The following ASIP variants were observed in gnomAD, a reference collection of about 807,000 sequenced individuals.
The protein encoded by ASIP is agouti signaling protein, also known as agouti-signaling protein.
In ASIP, 11 loss-of-function variants were observed where a neutral mutation model predicts 10.3. That is an observed-to-expected ratio of 1.07 (90% CI 0.68 to 1.78). The LOEUF (loss-of-function observed/expected upper bound fraction) is 1.78, where lower values mean the gene tolerates loss of function less well. Among genes scored for constraint, ASIP ranks in the 40% most tolerant of loss-of-function variants. The pLI is 0.00. For synonymous variants in ASIP, 70 were observed against 70.8 expected (o/e 0.99, Z 0.06); for missense variants, 180 against 169.2 (o/e 1.06, Z -0.35).
intron 1 of ASIP, among the ~76,000 whole-genome samples, chr20:34,258,900 G>GTA (rs1443776826): frequency 1.6e-4 from 21 of 129,530 alleles, no homozygotes; most frequent in East Asian, 1.5e-3. Flanking sequence ...TATATATAGT[G>GTA]TATATATATA....
intron 1 of ASIP, among the ~76,000 whole-genome samples, chr20:34,244,162 G>A (rs2035331867): frequency 6.6e-6 from 1 of 152,160 alleles, no homozygotes; most frequent in South Asian, 2.1e-4. Flanking sequence ...AGAAGTGTCC[G>A]CAGCAATTTA....
At chr20:34,189,738 C>A (rs746222290), upstream of ASIP, among the ~76,000 whole-genome samples, 1 of 152,210 alleles carries the variant, frequency 6.6e-6, no homozygotes, top group African/African-American at 2.4e-5. Flanking sequence ...GGAGTCACCT[C>A]ATTGCATTTA....
Position 34,263,327 on chromosome 20 carries a change from G to T in ASIP, c.222+434G>T, listed in dbSNP as rs368730761. On this transcript the variant is annotated intron_variant, in intron 3 of 3. Coordinates refer to ENST00000374954, the MANE Select transcript of ASIP (RefSeq NM_001672.3). ...CGCCTATAATCCCAGCACTTTGGGA[G>T]GCCAAGGTGGGTGAATCACCTGAGG... is the stretch of plus-strand genomic sequence containing the variant. Among the ~76,000 whole-genome samples, 196 of 152,338 alleles carry T rather than the reference G, an allele frequency of 1.3e-3. 10 individuals carry two copies. The South Asian group carries it at 0.039, about 30-fold the overall frequency.
chr20:34,190,234 G>A (rs2034816769), upstream of ASIP, among the ~76,000 whole-genome samples: 1 of 152,084 alleles, frequency 6.6e-6, no homozygotes. Context: ...TGCAGTGTTG[G>A]CATCATCCCA....
intron 3 of ASIP, among the ~76,000 whole-genome samples, chr20:34,265,656 A>G (rs2035771244): frequency 6.6e-6 from 1 of 152,070 alleles, no homozygotes; most frequent in African/African-American, 2.4e-5. Flanking sequence ...AACTATAAAA[A>G]TAAGTAAAGT....
chr20:34,207,145 C>T (rs1453723731), intron 1 of ASIP, among the ~76,000 whole-genome samples: 1 of 152,218 alleles, frequency 6.6e-6, no homozygotes, highest in East Asian at 1.9e-4. Flanking sequence ...CCCCCTTTCT[C>T]TGCATCCTTA....
chr20:34,200,356 C>G (rs1195641952), intron 1 of ASIP, among the ~76,000 whole-genome samples: 1 of 152,160 alleles, frequency 6.6e-6, no homozygotes, highest in African/African-American at 2.4e-5. Flanking sequence ...AAATACAGTA[C>G]TAAAGTTTTA....
intron 1 of ASIP, among the ~76,000 whole-genome samples, chr20:34,224,426 C>G (rs911602530): frequency 6.6e-6 from 1 of 151,280 alleles, no homozygotes; most frequent in African/African-American, 2.4e-5. Context: ...CAGAAGGAAT[C>G]TCATATTCCA....
intron 1 of ASIP, among the ~76,000 whole-genome samples, chr20:34,234,485 C>G (rs1211800285): frequency 6.6e-6 from 1 of 151,954 alleles, no homozygotes; most frequent in Non-Finnish European, 1.5e-5. Context: ...TTTTCCTTTT[C>G]TCTTTTCTTT....
intron 1 of ASIP, among the ~76,000 whole-genome samples, chr20:34,234,668 G>A (rs1009322465): frequency 1.2e-4 from 19 of 152,042 alleles, no homozygotes; most frequent in African/African-American, 4.6e-4. Context: ...CGGGCGTGGT[G>A]GCAGGCGCCT....
intron 1 of ASIP, chr20:34,215,647 C>A: frequency 6.8e-7 from 1 of 1,463,960 alleles, no homozygotes; most frequent in Non-Finnish European, 9.6e-7. Flanking sequence ...ATGATATGAG[C>A]GTCTCCCTAA....
intron 1 of ASIP, among the ~76,000 whole-genome samples, chr20:34,251,768 A>T (rs1403289197): frequency 6.6e-6 from 1 of 152,174 alleles, no homozygotes; most frequent in East Asian, 1.9e-4. Flanking sequence ...GCCCTCATGA[A>T]TGAGACTAGT....
chr20:34,200,495 A>G (rs1303634775), intron 1 of ASIP, among the ~76,000 whole-genome samples: 1 of 152,238 alleles, frequency 6.6e-6, no homozygotes, highest in African/African-American at 2.4e-5. Flanking sequence ...TCCTATAAAT[A>G]ATGTAAGAGC....
chr20:34,201,060 CT>C (rs757662623), intron 1 of ASIP, among the ~76,000 whole-genome samples: 11 of 94,100 alleles, frequency 1.2e-4, no homozygotes, highest in African/African-American at 3.7e-4. Flanking sequence ...TTCTTTCTTT[CT>C]TTTTTTTCCT....
upstream of ASIP, among the ~76,000 whole-genome samples, chr20:34,193,286 A>G (rs2034835823): frequency 2.6e-5 from 4 of 152,212 alleles, no homozygotes; most frequent in Admixed American, 2.6e-4. Context: ...CCGGCAGCAA[A>G]GTATCATTCC....
chr20:34,214,542 C>A (rs1346825951), intron 1 of ASIP: 2 of 1,503,956 alleles, frequency 1.3e-6, no homozygotes, highest in Admixed American at 1.7e-5. Context: ...CTTCCATGAA[C>A]CGTGTAGTCT....
At chr20:34,255,369 G>A (rs2035549451) in intron 1 of ASIP, among the ~76,000 whole-genome samples, 1 of 151,748 alleles carries the variant, frequency 6.6e-6, no homozygotes, top group African/African-American at 2.4e-5. Flanking sequence ...ACAGCTCACT[G>A]GAGCCTCAAC....
Position 34,214,179 on chromosome 20 carries a change from A to G in ASIP, c.-11+19419A>G, listed in dbSNP as rs541001334. On this transcript the variant is annotated intron_variant, in intron 1 of 3. Transcript: ENST00000568305. ...TATTCTATTCAAAATATCCTCAATG[A>G]AAGGATTCATTTGCTTATTGAGAGA... The G allele has an allele frequency of 4.8e-5, 60 of 1,251,526 alleles. 1 individual carries two copies. The African/African-American group carries it at 7.5e-4, about 16-fold the overall frequency. The allele number at this position is 1,251,526 out of a possible 1,614,324, so 77.5% of individuals were successfully genotyped here. A position where few individuals can be genotyped will look rare whatever the true frequency, so the allele number is the denominator to read the frequency against.
In ASIP at chr20:34,235,903, G is replaced by A. The variant is rs8183621; in HGVS notation, c.-10-24462G>A. On this transcript the variant is annotated intron_variant, in intron 1 of 3. Transcript: ENST00000568305. ...GAAGGAAGGAAGGAAGGAAGGAAAG[G>A]AAGGAAGGAAGGAAGGAAGGAAGGA... Among the ~76,000 whole-genome samples the A allele has an allele frequency of 1.4e-3, 122 of 86,054 alleles. 4 individuals carry two copies. Among genetic ancestry groups the A allele is most frequent in the African/African-American group, 4.1e-3 (50 of 12,128 alleles). The allele number at this position is 86,054 out of a possible 152,430, so 56.5% of individuals were successfully genotyped here. A position where few individuals can be genotyped will look rare whatever the true frequency, so the allele number is the denominator to read the frequency against.
Sources: gnomAD v4.1 joint callset for allele counts (sites outside exome capture counted in the v4.1 genomes callset) on GRCh38, gnomAD v4.1.1 for gene constraint, MANE v1.5 for transcripts, NCBI Gene and HGNC (gene_info 2026-07-23, HGNC 2026-07-21) for gene names.